PPP6R3: variants seen among roughly 807,000 people sequenced by gnomAD.
PPP6R3 encodes protein phosphatase 6 regulatory subunit 3.
In PPP6R3, 38 loss-of-function variants were observed where a neutral mutation model predicts 110.7. The observed-to-expected ratio is 0.34, with a 90% CI of 0.26 to 0.45. PPP6R3 has a LOEUF of 0.45. Among genes scored for constraint, PPP6R3 ranks in the 20% least tolerant of loss-of-function variants. The probability of loss-of-function intolerance (pLI) is 1.00; values close to 1 mark genes in which losing one functional copy is unlikely to be tolerated. For missense variants in PPP6R3, 870 were observed against 1,062.4 expected, an observed-to-expected ratio of 0.82 and a Z score of 2.52; for synonymous variants, 369 against 373.5, an observed-to-expected ratio of 0.99 and a Z score of 0.14.
intron 1 of PPP6R3, among the ~76,000 whole-genome samples, chr11:68,487,548 C>T: frequency 6.7e-6 from 1 of 149,006 alleles, no homozygotes. Flanking sequence ...CCAGCCTGGG[C>T]AACACAGCAA....
In PPP6R3 at chr11:68,591,559, C is replaced by A; in HGVS notation, c.1786-17C>A. On this transcript the variant is annotated splice_polypyrimidine_tract_variant and intron_variant, in intron 17 of 23. Transcript: ENST00000393800. ...TTAAATTTATTTTGTTGTTTTTTTC[C>A]TCTCATTTTTATTTAGGGAAATATT... is the stretch of plus-strand genomic sequence containing the variant. The A allele has an allele frequency of 6.4e-7, 1 of 1,556,410 alleles. No individual in the cohort carries two copies. The highest frequency in any genetic ancestry group is 1.2e-5 in the South Asian group (1 of 82,550).
intron 1 of PPP6R3, among the ~76,000 whole-genome samples, chr11:68,470,719 CCTT>C (rs1220797441): frequency 1.3e-5 from 2 of 152,124 alleles, no homozygotes; most frequent in East Asian, 3.9e-4. Context: ...GCTGCTGGAT[CCTT>C]CTTGAAAAGG....
intron 19 of PPP6R3, among the ~76,000 whole-genome samples, chr11:68,597,217 G>A (rs1304561502): frequency 6.6e-6 from 1 of 152,198 alleles, no homozygotes; most frequent in Non-Finnish European, 1.5e-5. Flanking sequence ...ATGGGTACAG[G>A]GTGCTAGAAG....
At chr11:68,487,598 T>A (rs1188875327) in intron 1 of PPP6R3, among the ~76,000 whole-genome samples, 1 of 152,174 alleles carries the variant, frequency 6.6e-6, no homozygotes, top group Non-Finnish European at 1.5e-5. Context: ...TTTTTTTTAT[T>A]TAGTTAAAAA....
At chr11:68,486,666 A>G (rs2098949704) in intron 1 of PPP6R3, among the ~76,000 whole-genome samples, 2 of 151,048 alleles carry the variant, frequency 1.3e-5, no homozygotes, top group African/African-American at 4.9e-5. Context: ...AAGCAATTTT[A>G]GAGAATTGGT....
chr11:68,566,346 CT>C (rs887875800), intron 9 of PPP6R3, among the ~76,000 whole-genome samples: 6 of 151,594 alleles, frequency 4.0e-5, no homozygotes, highest in Non-Finnish European at 8.8e-5. Flanking sequence ...CCTCCTCCTC[CT>C]TTTTTCTTCC....
intron 5 of PPP6R3, among the ~76,000 whole-genome samples, chr11:68,548,901 C>G (rs1374053934): frequency 2.6e-5 from 4 of 152,046 alleles, no homozygotes; most frequent in African/African-American, 7.2e-5. Context: ...CTCTTCCTTT[C>G]TTTTTTGAGT....
At chr11:68,521,111 G>A (rs1299561503) in intron 2 of PPP6R3, among the ~76,000 whole-genome samples, 3 of 152,208 alleles carry the variant, frequency 2.0e-5, no homozygotes, top group Admixed American at 6.5e-5. Flanking sequence ...TTGAATTCAC[G>A]TCTTCTGGGG....
chr11:68,500,565 C>G (rs931061288), intron 1 of PPP6R3, among the ~76,000 whole-genome samples: 7 of 152,228 alleles, frequency 4.6e-5, no homozygotes, highest in African/African-American at 1.7e-4. Context: ...GCAACCTCCA[C>G]CACCTGGGTT....
intron 13 of PPP6R3, 71 bp from the exon 14 acceptor site, chr11:68,575,887 C>A: frequency 2.5e-6 from 3 of 1,180,462 alleles, no homozygotes; most frequent in Non-Finnish European, 3.7e-6. Flanking sequence ...TTTTATATTA[C>A]CTGCTTACTT....
intron 12 of PPP6R3, among the ~76,000 whole-genome samples, chr11:68,573,153 T>TATATATATA (rs1468107550): frequency 9.7e-6 from 1 of 103,624 alleles, no homozygotes; most frequent in African/African-American, 3.8e-5. Context: ...TATATATATA[T>TATATATATA]AATTTTTTTT....
intron 1 of PPP6R3, among the ~76,000 whole-genome samples, chr11:68,516,934 T>C (rs972200834): frequency 3.9e-5 from 6 of 152,136 alleles, no homozygotes; most frequent in Non-Finnish European, 8.8e-5. Context: ...ACTTTTTTGT[T>C]TTCTGTTCTT....
chr11:68,521,804 C>A (rs962725160), intron 2 of PPP6R3, among the ~76,000 whole-genome samples: 1 of 152,108 alleles, frequency 6.6e-6, no homozygotes, highest in African/African-American at 2.4e-5. Flanking sequence ...TAATTTAGTT[C>A]AATTTTCTGT....
intron 1 of PPP6R3, among the ~76,000 whole-genome samples, chr11:68,467,437 G>A (rs1469991137): frequency 6.6e-6 from 1 of 152,252 alleles, no homozygotes; most frequent in Admixed American, 6.5e-5. Context: ...AACGGCTGCA[G>A]ACTGATGTTG....
intron 2 of PPP6R3, among the ~76,000 whole-genome samples, chr11:68,534,985 G>A (rs1368750472): frequency 6.6e-6 from 1 of 151,960 alleles, no homozygotes; most frequent in African/African-American, 2.4e-5. Flanking sequence ...AGTTGTATTA[G>A]TATCAAATGG....
chr11:68,504,922 A>G (rs1284994302), intron 1 of PPP6R3, among the ~76,000 whole-genome samples: 1 of 152,208 alleles, frequency 6.6e-6, no homozygotes, highest in African/African-American at 2.4e-5. Flanking sequence ...AGCAGAGCAC[A>G]TTGACATTGT....
rs970550662 is a variant in PPP6R3 at position 68,614,962 on chromosome 11, G to A, written c.*1845G>A. ...CACTGGTGGCACACGTGGCCTCCGT[G>A]GTATGGACCTGGTGGCTTCTCCATC... On this transcript the variant is annotated 3_prime_UTR_variant, in exon 24 of 24. Transcript: ENST00000393800. 1 of 599,300 alleles carries A rather than the reference G, an allele frequency of 1.7e-6. No homozygotes were observed. Among genetic ancestry groups the A allele is most frequent in the African/African-American group, 1.8e-5 (1 of 54,748 alleles). The allele number at this position is 599,300 out of a possible 1,614,324, so 37.1% of individuals were successfully genotyped here. A position where few individuals can be genotyped will look rare whatever the true frequency, so the allele number is the denominator to read the frequency against.
At chr11:68,497,415 C>T (rs982294175) in intron 1 of PPP6R3, among the ~76,000 whole-genome samples, 15 of 151,952 alleles carry the variant, frequency 9.9e-5, no homozygotes, top group African/African-American at 2.9e-4. Flanking sequence ...TGCAGTGCTG[C>T]GATCACTGCT....
intron 3 of PPP6R3, among the ~76,000 whole-genome samples, chr11:68,539,672 C>T (rs568667389): frequency 6.6e-6 from 1 of 152,308 alleles, no homozygotes; most frequent in South Asian, 2.1e-4. Context: ...TGGTTGACTA[C>T]AGTCATTTAA....
Sources: allele counts gnomAD v4.1 joint callset (sites outside exome capture counted in the v4.1 genomes callset), GRCh38; gene constraint gnomAD v4.1.1; transcripts MANE v1.5; gene names NCBI Gene and HGNC (gene_info 2026-07-23, HGNC 2026-07-21).